Variants in PHACTR4 observed in about 807,000 individuals in gnomAD.
PHACTR4 encodes the protein protein phosphatase 1, regulatory subunit 124.
Under a neutral mutation model 72.7 loss-of-function variants are expected in PHACTR4, and 51 were observed. That is an observed-to-expected ratio of 0.70 (90% CI 0.56 to 0.89). PHACTR4 has a LOEUF of 0.89. PHACTR4 is among the 40% of genes least tolerant of loss of function. The pLI is 0.00. For synonymous variants in PHACTR4, 255 were observed against 302.5 expected, an observed-to-expected ratio of 0.84 and a Z score of 1.63; for missense variants, 731 against 861.8, an observed-to-expected ratio of 0.85 and a Z score of 1.90.
chr1:28,378,198 T>TAA (rs60280611), intron 1 of PHACTR4, among the ~76,000 whole-genome samples: 7 of 76,382 alleles, frequency 9.2e-5, no homozygotes, highest in Admixed American at 3.0e-4. Context: ...CTCCATCTCA[T>TAA]AAAAAAAAAA....
intron 2 of PHACTR4, among the ~76,000 whole-genome samples, chr1:28,414,850 T>A (rs1051921543): frequency 2.0e-5 from 3 of 152,142 alleles, no homozygotes; most frequent in Non-Finnish European, 2.9e-5. Context: ...ATCAAACAGC[T>A]TTTACCTTGC....
At chr1:28,449,324 A>C (rs990012795) in intron 2 of PHACTR4, among the ~76,000 whole-genome samples, 1 of 152,106 alleles carries the variant, frequency 6.6e-6, no homozygotes, top group African/African-American at 2.4e-5. Flanking sequence ...AACATACCCC[A>C]TATCTAAAAA....
intron 8 of PHACTR4, among the ~76,000 whole-genome samples, chr1:28,478,456 G>A (rs903334167): frequency 2.0e-5 from 3 of 151,732 alleles, no homozygotes; most frequent in South Asian, 2.1e-4. Context: ...TTTAATAGAC[G>A]GAGGCTCACT....
At chr1:28,416,743 A>G (rs547225550) in intron 2 of PHACTR4, among the ~76,000 whole-genome samples, 3 of 152,230 alleles carry the variant, frequency 2.0e-5, no homozygotes, top group Non-Finnish European at 4.4e-5. Context: ...TGGACAGACG[A>G]TGATATATGT....
intron 1 of PHACTR4, among the ~76,000 whole-genome samples, chr1:28,395,997 G>A (rs1374334927): frequency 6.8e-6 from 1 of 146,096 alleles, no homozygotes. Context: ...TTTTCCATTT[G>A]TAAAACTCAG....
At chr1:28,486,896 C>T (rs761785569) in intron 9 of PHACTR4, among the ~76,000 whole-genome samples, 6 of 151,130 alleles carry the variant, frequency 4.0e-5, no homozygotes, top group Non-Finnish European at 5.9e-5. Flanking sequence ...GGTGTGGTGG[C>T]TAACATCTCT....
chr1:28,404,386 G>A (rs1233937751), intron 1 of PHACTR4, among the ~76,000 whole-genome samples: 8 of 148,312 alleles, frequency 5.4e-5, no homozygotes, highest in African/African-American at 1.8e-4. Context: ...GGGTTCAAGC[G>A]ATTCTCCTGC....
chr1:28,420,166 T>C lies in PHACTR4; in HGVS notation c.16+12703T>C, dbSNP rs568352213. Among the ~76,000 whole-genome samples, 6 of 152,276 alleles carry C rather than the reference T, an allele frequency of 3.9e-5. No individual in the cohort carries two copies. The South Asian group carries it at 8.3e-4, about 21-fold the overall frequency. On this transcript the variant is annotated intron_variant, in intron 2 of 13. Transcript: ENST00000373839. ...CCACTCAGGAGGCTGGGAGAATCAC[T>C]TGTGCCTGGGAGATTGAGGCTGCAG...
rs1180123525 is a variant in PHACTR4 at position 28,459,146 on chromosome 1, C to T, written c.78C>T (p.Asp26=). The T allele has an allele frequency of 6.2e-7, 1 of 1,613,674 alleles. No individual in the cohort carries two copies. The highest frequency in any genetic ancestry group is 1.3e-5 in the African/African-American group (1 of 74,826). The stretch of plus-strand genomic sequence containing the variant: ...TCCTGGACAGTGTGGAAGCAGGAGA[C>T]ACAACACCTCCTACCAAAAGGAAGA... ...GMVLDSVEAG[D]TTPPTKRKSK... Residue 26 remains aspartate, a synonymous_variant, in exon 3 of 14, where the codon GAC becomes GAT. Coordinates refer to ENST00000373839, the MANE Select transcript of PHACTR4 (RefSeq NM_001048183.3).
chr1:28,426,162 G>A (rs543097313), intron 2 of PHACTR4, among the ~76,000 whole-genome samples: 59 of 150,988 alleles, frequency 3.9e-4, no homozygotes, highest in African/African-American at 1.4e-3. Flanking sequence ...CGGAGGTTGC[G>A]GTGAGCTGAG....
chr1:28,434,161 G>A (rs562123368), intron 2 of PHACTR4, among the ~76,000 whole-genome samples: 1 of 152,132 alleles, frequency 6.6e-6, no homozygotes, highest in Admixed American at 6.6e-5. Context: ...AAAAATTCTT[G>A]GCCATTTATA....
chr1:28,391,396 C>G (rs1344501057), intron 1 of PHACTR4, among the ~76,000 whole-genome samples: 1 of 150,324 alleles, frequency 6.7e-6, no homozygotes, highest in Non-Finnish European at 1.5e-5. Context: ...GAGATTCTGT[C>G]TCAAAAAATA....
chr1:28,417,028 CTTTCTTGCTTTTTTT>C (rs1655146812), intron 2 of PHACTR4, among the ~76,000 whole-genome samples: 1 of 151,506 alleles, frequency 6.6e-6, no homozygotes. Flanking sequence ...TGGTAATTTT[CTTTCTTGCTTTTTTT>C]TTTCTTTTTT....
At chr1:28,379,825 G>A (rs189410847) in intron 1 of PHACTR4, among the ~76,000 whole-genome samples, 148 of 151,398 alleles carry the variant, frequency 9.8e-4, no homozygotes, top group African/African-American at 3.4e-3. Flanking sequence ...TCCTGACCTC[G>A]TGATCCGCCC....
chr1:28,466,798 T>G, intron 6 of PHACTR4, 30 bp downstream of exon 6: 1 of 1,579,898 alleles, frequency 6.3e-7, no homozygotes, highest in Non-Finnish European at 8.6e-7. Context: ...TCCAGTGTTT[T>G]GGGTTTGGTT....
chr1:28,461,849 C>CTTTTTTT (rs142600648), intron 4 of PHACTR4, among the ~76,000 whole-genome samples: 4 of 144,216 alleles, frequency 2.8e-5, no homozygotes, highest in African/African-American at 1.1e-4. Flanking sequence ...TGTTTTCTTT[C>CTTTTTTT]TTTCTTTTTT....
At chr1:28,380,223 A>T (rs1652055778) in intron 1 of PHACTR4, among the ~76,000 whole-genome samples, 1 of 149,732 alleles carries the variant, frequency 6.7e-6, no homozygotes, top group Non-Finnish European at 1.5e-5. Flanking sequence ...CGCCCGGCTA[A>T]TTTTTTGTAT....
At chr1:28,373,441 C>T (rs1651401812) in intron 1 of PHACTR4, among the ~76,000 whole-genome samples, 4 of 151,984 alleles carry the variant, frequency 2.6e-5, no homozygotes, top group Admixed American at 2.6e-4. Flanking sequence ...CAGGCATGTG[C>T]CAACATGCCT....
At chr1:28,385,226 T>C (rs183314690) in intron 1 of PHACTR4, among the ~76,000 whole-genome samples, 1 of 152,252 alleles carries the variant, frequency 6.6e-6, no homozygotes, top group African/African-American at 2.4e-5. Flanking sequence ...TCTTGATTTC[T>C]GCCTTAATTT....
Sources: gnomAD v4.1 joint callset for allele counts (sites outside exome capture counted in the v4.1 genomes callset) on GRCh38, gnomAD v4.1.1 for gene constraint, MANE v1.5 for transcripts, NCBI Gene and HGNC (gene_info 2026-07-23, HGNC 2026-07-21) for gene names.